EMG1: variants seen among roughly 807,000 people sequenced by gnomAD.
The protein encoded by EMG1 is ribosomal RNA small subunit methyltransferase NEP1.
In EMG1, 24 loss-of-function variants were observed where a neutral mutation model predicts 26.9. That is an observed-to-expected ratio of 0.89 (90% confidence interval 0.65 to 1.26). The LOEUF is 1.26. EMG1 is among the 50% of genes most tolerant of loss of function. The pLI is 0.00. For synonymous variants in EMG1, 140 were observed against 112.6 expected, an observed-to-expected ratio of 1.24 and a Z score of -1.54; for missense variants, 299 against 307.6, an observed-to-expected ratio of 0.97 and a Z score of 0.21.
chr12:6,974,987 C>T (rs1555152887), intron 3 of EMG1, 103 bp from the exon 4 acceptor site: 1 of 1,173,494 alleles, frequency 8.5e-7, no homozygotes, highest in African/African-American at 1.5e-5. Flanking sequence ...AGATATAAAG[C>T]ACACAGGGAA....
downstream of EMG1, among the ~76,000 whole-genome samples, chr12:6,990,778 A>G (rs1301941521): frequency 2.0e-5 from 3 of 150,212 alleles, no homozygotes; most frequent in South Asian, 4.2e-4. Context: ...CCAGCCAGAC[A>G]TGGTGGCAGG....
chr12:6,979,770 C>A lies in EMG1; in HGVS notation c.*3961C>A. The A allele has an allele frequency of 3.3e-6, 2 of 598,620 alleles. No homozygotes were observed. The highest frequency in any genetic ancestry group is 6.0e-6 in the Non-Finnish European group (2 of 335,354). 37.1% of individuals were successfully genotyped at this position (598,620 alleles called of 1,614,324 possible). On this transcript the variant is annotated 3_prime_UTR_variant, in exon 6 of 6. Transcript: ENST00000599672. ...TATGGCTGGCTATGAGGAATGGGGA[C>A]TGCAAACCTCTTAAGAGTTGTAGGA...
At chr12:6,983,149 G>A, downstream of EMG1, 1 of 472,534 alleles carries the variant, frequency 2.1e-6, no homozygotes, top group Non-Finnish European at 3.9e-6. Flanking sequence ...GGACTGCTTG[G>A]CTCGGTCATT....
At position 6,974,697 on chromosome 12, in the gene EMG1, A is replaced by G. The variant is rs1165219416; in HGVS notation, c.412+4A>G. 3.1e-6 allele frequency: 5 copies of G among 1,613,784 alleles called. No homozygotes were observed. Among genetic ancestry groups the G allele is most frequent in the Non-Finnish European group, 4.2e-6 (5 of 1,179,884 alleles). On this transcript the variant is annotated splice_donor_region_variant and intron_variant, in intron 3 of 5. Coordinates refer to ENST00000599672, the MANE Select transcript of EMG1 (RefSeq NM_006331.8). ...GACCGCTTTTGTGGCCTCATGGGTA[A>G]GAAGCCTTAGAACAAAGTTAGAATG...
At chr12:6,985,715 AAAAC>A (rs1223954884) in intron 6 of EMG1, among the ~76,000 whole-genome samples, 60 of 152,094 alleles carry the variant, frequency 3.9e-4, no homozygotes, top group Non-Finnish European at 6.8e-4. Context: ...ACTCTGTCTC[AAAAC>A]AAACAAACAA....
At chr12:6,990,560 AATAAATTG>A (rs1222398450), downstream of EMG1, among the ~76,000 whole-genome samples, 28 of 135,860 alleles carry the variant, frequency 2.1e-4, no homozygotes, top group South Asian at 3.2e-3. Flanking sequence ...TAAATAAATA[AATAAATTG>A]AGCACCCCAA....
chr12:6,986,127 T>C (rs2138337837), intron 6 of EMG1, among the ~76,000 whole-genome samples: 1 of 152,110 alleles, frequency 6.6e-6, no homozygotes, highest in South Asian at 2.1e-4. Context: ...GGCTCTTAAA[T>C]TTATAGCTTC....
intron 6 of EMG1, among the ~76,000 whole-genome samples, chr12:6,986,388 A>G (rs1565599932): frequency 6.6e-6 from 1 of 152,204 alleles, no homozygotes; most frequent in Non-Finnish European, 1.5e-5. Context: ...ACTTTATGGT[A>G]AGAAATACAT....
At chr12:6,973,844 C>T (rs1946361599) in intron 1 of EMG1, among the ~76,000 whole-genome samples, 1 of 152,216 alleles carries the variant, frequency 6.6e-6, no homozygotes, top group Non-Finnish European at 1.5e-5. Flanking sequence ...GCCCGGCCTT[C>T]ACATTTCTTG....
Position 6,978,860 on chromosome 12 carries a change from A to G in EMG1, c.*3051A>G. On this transcript the variant is annotated 3_prime_UTR_variant, in exon 6 of 6. Coordinates refer to ENST00000599672, the MANE Select transcript of EMG1 (RefSeq NM_006331.8). ...CCTTCACAATAGGCAGAGAGGAATA[A>G]GCAGAGGGCCTGGAGAATATTCATT... 3.5e-6 allele frequency: 3 copies of G among 851,062 alleles called. No individual in the cohort carries two copies. Among genetic ancestry groups the G allele is most frequent in the Non-Finnish European group, 5.3e-6 (3 of 563,862 alleles). 52.7% of individuals were successfully genotyped at this position (851,062 alleles called of 1,614,324 possible).
intron 1 of EMG1, among the ~76,000 whole-genome samples, chr12:6,974,058 TA>T (rs1343318427): frequency 3.9e-5 from 6 of 152,226 alleles, no homozygotes. Flanking sequence ...TCCAGTGTAT[TA>T]GTAGATAATG....
At chr12:6,981,891 G>T (rs1555154136), downstream of EMG1, 1 of 1,605,210 alleles carries the variant, frequency 6.2e-7, no homozygotes, top group Non-Finnish European at 8.5e-7. Context: ...ATAGTATCCA[G>T]CCAGAAGGTA....
At chr12:6,988,786 C>T (rs1361270299), downstream of EMG1, among the ~76,000 whole-genome samples, 1 of 152,114 alleles carries the variant, frequency 6.6e-6, no homozygotes, top group Non-Finnish European at 1.5e-5. Context: ...GGGTTGATGC[C>T]TTACCTTTAT....
At position 6,970,957 on chromosome 12, in the gene EMG1, G is replaced by A. The variant is rs1555152086; in HGVS notation, c.34G>A (p.Glu12Lys). The change falls in exon 1 of 6, where the codon GAA (glutamate) becomes AAA (lysine). Residue 12 changes from glutamate (E) to lysine (K), a missense_variant. Coordinates refer to ENST00000599672, the MANE Select transcript of EMG1 (RefSeq NM_006331.8). Reference sequence around the variant, plus strand: ...GCCCAGTGATGGATTCAAGCCTCGTGAACGAAGCGGTGGGGAGCAGGCACA... The same window carrying A: ...GCCCAGTGATGGATTCAAGCCTCGTAAACGAAGCGGTGGGGAGCAGGCACA... ...AAPSDGFKPR[E>K]RSGGEQAQDW... 1.2e-6 allele frequency: 2 copies of A among 1,613,112 alleles called. No individual in the cohort carries two copies. Among genetic ancestry groups the A allele is most frequent in the East Asian group, 2.2e-5 (1 of 44,844 alleles).
At chr12:6,971,159 G>T (rs1591705361) in intron 1 of EMG1, 68 bp downstream of exon 1, 6 of 1,351,966 alleles carry the variant, frequency 4.4e-6, no homozygotes, top group East Asian at 2.4e-5. Flanking sequence ...TGAGGGTAAG[G>T]GGCCCAGAGT....
intron 6 of EMG1, among the ~76,000 whole-genome samples, chr12:6,985,413 CAA>C (rs1946513553): frequency 6.7e-6 from 1 of 149,534 alleles, no homozygotes; most frequent in Admixed American, 6.7e-5. Flanking sequence ...CAAAATAAAA[CAA>C]AACAAAAAAC....
Position 6,977,675 on chromosome 12 carries a change from C to T in EMG1, c.*1866C>T. On this transcript the variant is annotated 3_prime_UTR_variant, in exon 6 of 6. Coordinates refer to ENST00000599672, the MANE Select transcript of EMG1 (RefSeq NM_006331.8). The surrounding 1 kb of genome is among the most constrained non-coding windows in gnomAD (Gnocchi z 4.5). ...CCTGAGTGCAGGCCGTGCCAGAGGG[C>T]CAGGAATAGCAACGAGAGACCCTGA... 1 of 1,614,192 alleles carries T rather than the reference C, an allele frequency of 6.2e-7. No individual in the cohort carries two copies. Among genetic ancestry groups the T allele is most frequent in the Non-Finnish European group, 8.5e-7 (1 of 1,180,028 alleles).
At chr12:6,981,938 C>A, downstream of EMG1, 2 of 1,054,708 alleles carry the variant, frequency 1.9e-6, no homozygotes, top group Non-Finnish European at 3.0e-6. Context: ...TCTAGCATCA[C>A]TACTATTTCT....
rs1328580583 is a variant in EMG1, at chr12:6,979,326, G to A, written c.*3517G>A. ...TGATGAACATGTCCCAGCACGGCTG[G>A]CATTGACAACTCACAGATCTAGAGC... On this transcript the variant is annotated 3_prime_UTR_variant, in exon 6 of 6. Coordinates refer to ENST00000599672, the MANE Select transcript of EMG1 (RefSeq NM_006331.8). 5 of 650,754 alleles carry A rather than the reference G, an allele frequency of 7.7e-6. No individual in the cohort carries two copies. The highest frequency in any genetic ancestry group is 1.4e-5 in the Non-Finnish European group (5 of 366,412). The allele number at this position is 650,754 out of a possible 1,614,324, so 40.3% of individuals were successfully genotyped here. A position where few individuals can be genotyped will look rare whatever the true frequency, so the allele number is the denominator to read the frequency against.
Sources: allele counts gnomAD v4.1 joint callset (sites outside exome capture counted in the v4.1 genomes callset), GRCh38; gene constraint gnomAD v4.1.1; non-coding constraint Gnocchi (gnomAD v3.1); transcripts MANE v1.5; gene names NCBI Gene and HGNC (gene_info 2026-07-23, HGNC 2026-07-21).